CPNE4: variants seen among roughly 807,000 people sequenced by gnomAD.
CPNE4 encodes the protein copine 4.
In CPNE4, 25 loss-of-function variants were observed where a neutral mutation model predicts 67.9. That is an observed-to-expected ratio of 0.37 (90% CI 0.27 to 0.51). The LOEUF (loss-of-function observed/expected upper bound fraction) is 0.51, where lower values mean the gene tolerates loss of function less well. Among genes scored for constraint, CPNE4 ranks in the 20% least tolerant of loss-of-function variants. The pLI is 0.93. For missense variants in CPNE4, 464 were observed against 690.8 expected (o/e 0.67, Z 3.68); for synonymous variants, 242 against 244.9 (o/e 0.99, Z 0.11).
intron 7 of CPNE4, among the ~76,000 whole-genome samples, chr3:131,655,590 G>T (rs562770410): frequency 6.6e-6 from 1 of 152,160 alleles, no homozygotes; most frequent in Non-Finnish European, 1.5e-5. Flanking sequence ...AATAAAGCAT[G>T]CCGTGTGGTC....
At chr3:131,991,096 T>C (rs1203926139) in intron 1 of CPNE4, among the ~76,000 whole-genome samples, 2 of 136,142 alleles carry the variant, frequency 1.5e-5, no homozygotes, top group African/African-American at 4.9e-5. Flanking sequence ...AATTACCCAG[T>C]CTCTCGTATG....
chr3:131,961,530 C>A (rs1038152948), intron 1 of CPNE4, among the ~76,000 whole-genome samples: 1 of 152,094 alleles, frequency 6.6e-6, no homozygotes. Flanking sequence ...TTTCTGTGAC[C>A]CGAATGGTCA....
Position 132,005,344 on chromosome 3 carries a change from C to CATATATATATATAT in CPNE4, c.-2+29222_-2+29223insATATATATATATAT, listed in dbSNP as rs1560773098. Among the ~76,000 whole-genome samples, 18 of 13,056 alleles carry CATATATATATATAT rather than the reference C, an allele frequency of 1.4e-3. 1 individual carries two copies. The South Asian group carries it at 0.015, about 11-fold the overall frequency. 8.6% of individuals were successfully genotyped at this position (13,056 alleles called of 152,430 possible). A position where few individuals can be genotyped will look rare whatever the true frequency, so the allele number is the denominator to read the frequency against. On this transcript the variant is annotated intron_variant, in intron 1 of 15. Transcript: ENST00000429747. Reference sequence around the variant, plus strand: ...ATATATATATATATATATATATATACACACACACACACACACACACACACA... The same window carrying CATATATATATATAT: ...ATATATATATATATATATATATATACATATATATATATATACACACACACACACACACACACACA...
At position 131,974,681 on chromosome 3, in the gene CPNE4, C is replaced by T. The variant is rs186295967; in HGVS notation, c.-2+59886G>A. On this transcript the variant is annotated intron_variant, in intron 1 of 15. Coordinates refer to ENST00000429747, the MANE Select transcript of CPNE4 (RefSeq NM_130808.3). ...CCAAGCCTATCTGCCCATTGTTTCTCTTGCCACCTCAGACTGTTCAAAAGG... is the reference window on the plus strand; with the variant it reads ...CCAAGCCTATCTGCCCATTGTTTCTTTTGCCACCTCAGACTGTTCAAAAGG... 2.4e-3 allele frequency among the ~76,000 whole-genome samples: 362 copies of T among 152,290 alleles called. 6 individuals are homozygous for T. The highest frequency in any genetic ancestry group is 0.023 in the South Asian group (113 of 4,816).
chr3:131,535,254 C>T lies in CPNE4; in HGVS notation c.1615G>A (p.Gly539Arg), dbSNP rs1935068928. 7 of 1,613,688 alleles carry T rather than the reference C, an allele frequency of 4.3e-6. No individual in the cohort carries two copies. The highest frequency in any genetic ancestry group is 5.9e-6 in the Non-Finnish European group (7 of 1,179,908). Residue 539 changes from glycine to arginine, a missense_variant, in exon 16 of 16, where the codon GGA becomes AGA. Physicochemically the swap from Gly to Arg is moderately radical, Grantham distance 125. Transcript: ENST00000429747. ...NQVVDYYNGK[G>R]IKPKCSSEMY... ...TCTGATGAACATTTTGGTTTAATTC[C>T]TTTGCCATTGTAATAGTCCACAACT... is the stretch of plus-strand genomic sequence containing the variant.
intron 4 of CPNE4, among the ~76,000 whole-genome samples, chr3:131,698,859 G>A (rs1367517092): frequency 3.0e-5 from 4 of 135,140 alleles, no homozygotes; most frequent in African/African-American, 1.1e-4. Flanking sequence ...GTAGTGTGCC[G>A]ATATCGTGCC....
chr3:131,559,487 T>C (rs1936643864), intron 11 of CPNE4, among the ~76,000 whole-genome samples: 1 of 151,998 alleles, frequency 6.6e-6, no homozygotes, highest in Admixed American at 6.6e-5. Flanking sequence ...AGGCAAAAAT[T>C]ACACTGAAAT....
chr3:131,758,407 CTT>C (rs1560253010), intron 2 of CPNE4, among the ~76,000 whole-genome samples: 1 of 152,126 alleles, frequency 6.6e-6, no homozygotes, highest in African/African-American at 2.4e-5. Context: ...CCTGTAACGT[CTT>C]GTTTTGGCCA....
At chr3:131,552,295 G>T in intron 13 of CPNE4, 145 bp downstream of exon 13, 2 of 672,822 alleles carry the variant, frequency 3.0e-6, no homozygotes, top group Non-Finnish European at 5.2e-6. Context: ...CTTGCCTGTG[G>T]AGTAGCATGG....
chr3:131,916,316 G>A (rs1353946528), intron 1 of CPNE4, among the ~76,000 whole-genome samples: 1 of 149,408 alleles, frequency 6.7e-6, no homozygotes, highest in African/African-American at 2.5e-5. Flanking sequence ...AAGCTGGGGG[G>A]CTCACAACGT....
chr3:131,637,396 G>A (rs567595902), intron 7 of CPNE4, among the ~76,000 whole-genome samples: 1 of 152,250 alleles, frequency 6.6e-6, no homozygotes, highest in South Asian at 2.1e-4. Flanking sequence ...AATGCAAAAT[G>A]CACTGGTAAG....
At chr3:131,656,307 T>C (rs2079964149) in intron 7 of CPNE4, among the ~76,000 whole-genome samples, 3 of 152,298 alleles carry the variant, frequency 2.0e-5, no homozygotes, top group South Asian at 4.1e-4. Flanking sequence ...CCATGATGAA[T>C]GTAGACTTGT....
intron 2 of CPNE4, among the ~76,000 whole-genome samples, chr3:131,838,838 T>C (rs2085660492): frequency 6.6e-6 from 1 of 151,846 alleles, no homozygotes; most frequent in Non-Finnish European, 1.5e-5. Context: ...TGTATATATA[T>C]ATATGCACAT....
chr3:131,727,071 T>C (rs1426775865), intron 2 of CPNE4, among the ~76,000 whole-genome samples: 1 of 152,224 alleles, frequency 6.6e-6, no homozygotes, highest in Middle Eastern at 3.2e-3. Flanking sequence ...ATGGCTATCA[T>C]GTGATATAGT....
intron 15 of CPNE4, among the ~76,000 whole-genome samples, chr3:131,536,360 G>A (rs1935145147): frequency 6.6e-6 from 1 of 152,192 alleles, no homozygotes; most frequent in South Asian, 2.1e-4. Context: ...TTTACTCCTG[G>A]CTCTGGCATT....
chr3:131,918,302 G>C (rs1052056013), intron 1 of CPNE4, among the ~76,000 whole-genome samples: 4 of 152,102 alleles, frequency 2.6e-5, no homozygotes, highest in Non-Finnish European at 4.4e-5. Context: ...GTCCCTTAAT[G>C]CTGGAAGTCC....
intron 2 of CPNE4, among the ~76,000 whole-genome samples, chr3:131,790,614 T>C (rs1019050258): frequency 1.3e-5 from 2 of 152,172 alleles, no homozygotes; most frequent in Non-Finnish European, 2.9e-5. Flanking sequence ...TTCCTGCTTG[T>C]CTTCTGAGAC....
intron 3 of CPNE4, among the ~76,000 whole-genome samples, chr3:131,718,083 C>T (rs936199734): frequency 1.3e-4 from 19 of 151,806 alleles, no homozygotes; most frequent in Non-Finnish European, 1.6e-4. Flanking sequence ...CAACCTCTGC[C>T]TCCCGGGTTC....
Position 131,691,744 on chromosome 3 carries a change from A to G in CPNE4, c.507+4798T>C, listed in dbSNP as rs149005332. Among the ~76,000 whole-genome samples the G allele has an allele frequency of 5.7e-3, 864 of 152,322 alleles. 6 individuals are homozygous for G. The highest frequency in any genetic ancestry group is 0.01 in the South Asian group (49 of 4,822). ...AAGTGGGCTACTATGATGATTATCA[A>G]TAGAAGAAAAAATTCATGAAGGCAT... On this transcript the variant is annotated intron_variant, in intron 5 of 15. Transcript: ENST00000429747.
Sources: allele counts gnomAD v4.1 joint callset (sites outside exome capture counted in the v4.1 genomes callset), GRCh38; gene constraint gnomAD v4.1.1; transcripts MANE v1.5; gene names NCBI Gene and HGNC (gene_info 2026-07-23, HGNC 2026-07-21).